TMEM67: variants seen among roughly 807,000 people sequenced by gnomAD.
TMEM67 encodes transmembrane protein 67.
Under a neutral mutation model 136.6 loss-of-function variants are expected in TMEM67, and 124 were observed. The observed-to-expected ratio is 0.91, with a 90% CI of 0.78 to 1.05. TMEM67 has a LOEUF of 1.05. Ranked by LOEUF, TMEM67 falls within the 50% of genes least tolerant of loss-of-function variation. The pLI is 0.00. For missense variants in TMEM67, 1,107 were observed against 1,178.4 expected, an observed-to-expected ratio of 0.94 and a Z score of 0.89; for synonymous variants, 364 against 390.5, an observed-to-expected ratio of 0.93 and a Z score of 0.80.
At chr8:93,803,721 T>G (rs1814973875) in intron 22 of TMEM67, 37 bp downstream of exon 22, 5 of 1,216,060 alleles carry the variant, frequency 4.1e-6, no homozygotes, top group African/African-American at 3.0e-5. Flanking sequence ...AACTGTTACT[T>G]TCCCTTTTTA....
At chr8:93,812,984 C>T (rs1270713992) in intron 26 of TMEM67, among the ~76,000 whole-genome samples, 2 of 152,272 alleles carry the variant, frequency 1.3e-5, no homozygotes, top group South Asian at 4.2e-4. Flanking sequence ...GATCCACCCG[C>T]CTCAGCCTCC....
chr8:93,815,568 A>G (rs1808874625), intron 27 of TMEM67, 121 bp downstream of exon 27: 4 of 897,536 alleles, frequency 4.5e-6, no homozygotes, highest in Non-Finnish European at 6.9e-6. Flanking sequence ...GTAAAGGTTT[A>G]GAATATGACT....
rs541787079 is a variant in TMEM67 at position 93,757,644 on chromosome 8, A to T, written c.313-839A>T. ...AGCAAAGACTCTGTCTCAAAAAAAA[A>T]AAAACCTTTACTAGTACAAGCCATA... On this transcript the variant is annotated intron_variant, in intron 2 of 27. Coordinates refer to ENST00000453321, the MANE Select transcript of TMEM67 (RefSeq NM_153704.6). Among the ~76,000 whole-genome samples, 5 of 152,266 alleles carry T rather than the reference A, an allele frequency of 3.3e-5. No individual in the cohort carries two copies. In the South Asian group the frequency reaches 1.0e-3, roughly 32 times the overall value.
chr8:93,792,188 T>TTTATG (rs1814409139), intron 15 of TMEM67, among the ~76,000 whole-genome samples: 2 of 151,246 alleles, frequency 1.3e-5, no homozygotes, highest in African/African-American at 2.4e-5. Context: ...TTTATTTTAT[T>TTTATG]TTAAATGGAG....
intron 15 of TMEM67, among the ~76,000 whole-genome samples, chr8:93,792,162 G>A (rs1814408329): frequency 1.3e-5 from 2 of 150,262 alleles, no homozygotes; most frequent in South Asian, 4.2e-4. Context: ...ATGCCCAGCC[G>A]GCCCTCTAAT....
intron 4 of TMEM67, among the ~76,000 whole-genome samples, chr8:93,765,053 A>G (rs1813022035): frequency 1.3e-5 from 2 of 152,238 alleles, no homozygotes; most frequent in Admixed American, 1.3e-4. Context: ...AAATAAGGAA[A>G]GTATATTTGA....
At chr8:93,801,080 C>T (rs189948185) in intron 21 of TMEM67, among the ~76,000 whole-genome samples, 13 of 151,910 alleles carry the variant, frequency 8.6e-5, no homozygotes, top group African/African-American at 3.1e-4. Context: ...TACTCATAAA[C>T]AGAAAGAGTC....
At chr8:93,820,579 C>G (rs1189232115), downstream of TMEM67, among the ~76,000 whole-genome samples, 1 of 152,208 alleles carries the variant, frequency 6.6e-6, no homozygotes, top group African/African-American at 2.4e-5. Context: ...GCACCACTTA[C>G]TGGCTGTGCA....
chr8:93,779,811 A>C (rs1813727977), intron 7 of TMEM67, among the ~76,000 whole-genome samples: 1 of 152,146 alleles, frequency 6.6e-6, no homozygotes. Context: ...GGTGTCTCCC[A>C]GTTAGGCTAC....
At chr8:93,787,527 GTTC>G (rs1586053206) in intron 13 of TMEM67, among the ~76,000 whole-genome samples, 1 of 152,156 alleles carries the variant, frequency 6.6e-6, no homozygotes, top group Non-Finnish European at 1.5e-5. Context: ...ATAGTTTATA[GTTC>G]TTCAGTGATT....
At chr8:93,762,327 T>A (rs985697802) in intron 3 of TMEM67, among the ~76,000 whole-genome samples, 1 of 152,064 alleles carries the variant, frequency 6.6e-6, no homozygotes, top group Admixed American at 6.6e-5. Context: ...ATTAATTTTT[T>A]AATTATCTTT....
chr8:93,791,342 A>T, intron 15 of TMEM67, 23 bp downstream of exon 15: 1 of 1,475,168 alleles, frequency 6.8e-7, no homozygotes, highest in Non-Finnish European at 9.5e-7. Flanking sequence ...TAACCTTTTA[A>T]AATATATACA....
Position 93,759,937 on chromosome 8 carries a change from C to T in TMEM67, c.406+1361C>T, listed in dbSNP as rs73324992. 0.025 allele frequency: 37,589 copies of T among 1,532,134 alleles called. 690 individuals carry two copies. Among genetic ancestry groups the T allele is most frequent in the African/African-American group, 0.09 (6,456 of 72,042 alleles). The allele number at this position is 1,532,134 out of a possible 1,614,324, so 94.9% of individuals were successfully genotyped here. ...GTGCTGGGATACAGGCTTGAGCCAC[C>T]GCACCTGACCTTGGCATGTACTTTA... On this transcript the variant is annotated intron_variant, in intron 3 of 27. Transcript: ENST00000453321.
the TMEM67 span, among the ~76,000 whole-genome samples, chr8:93,832,651 T>G: frequency 1.3e-5 from 2 of 152,168 alleles, no homozygotes; most frequent in African/African-American, 2.4e-5. Context: ...GGCGGATCAC[T>G]TGAGGTCGGG....
intron 23 of TMEM67, among the ~76,000 whole-genome samples, chr8:93,808,545 TA>T (rs1808556513): frequency 2.3e-4 from 1 of 4,344 alleles, no homozygotes; most frequent in Non-Finnish European, 5.7e-4. Context: ...CTATAATCTA[TA>T]TATATCTATA....
chr8:93,806,077 G>C (rs1187763442), intron 23 of TMEM67, among the ~76,000 whole-genome samples: 1 of 152,136 alleles, frequency 6.6e-6, no homozygotes, highest in Non-Finnish European at 1.5e-5. Flanking sequence ...TAGCACCATA[G>C]GAAGTAATTA....
intron 14 of TMEM67, among the ~76,000 whole-genome samples, chr8:93,789,254 G>GTA (rs1281022065): frequency 2.0e-5 from 3 of 152,096 alleles, no homozygotes; most frequent in Non-Finnish European, 4.4e-5. Flanking sequence ...TACACATGTA[G>GTA]TATAACTTTT....
intron 26 of TMEM67, 63 bp from the exon 27 acceptor site, chr8:93,815,242 G>GT: frequency 4.1e-6 from 5 of 1,213,594 alleles, no homozygotes; most frequent in Non-Finnish European, 5.7e-6. Context: ...GTCACCAGAA[G>GT]TTTATCACAG....
chr8:93,801,307 T>C (rs901950364), intron 21 of TMEM67, among the ~76,000 whole-genome samples: 204 of 152,266 alleles, frequency 1.3e-3, no homozygotes, highest in Non-Finnish European at 2.5e-3. Flanking sequence ...GAATCATAGT[T>C]CACTGCAGCC....
Sources: allele counts gnomAD v4.1 joint callset (sites outside exome capture counted in the v4.1 genomes callset), GRCh38; gene constraint gnomAD v4.1.1; transcripts MANE v1.5; gene names NCBI Gene and HGNC (gene_info 2026-07-23, HGNC 2026-07-21).